Variants in UBE2D2 observed in about 807,000 individuals in gnomAD.
The protein encoded by UBE2D2 is ubiquitin-conjugating enzyme E2 D2.
UBE2D2 carries 2 observed loss-of-function variants against 24.2 expected under a neutral mutation model. That is an observed-to-expected ratio of 0.08 (90% CI 0.03 to 0.26). The LOEUF is 0.26. Among genes scored for constraint, UBE2D2 ranks in the 10% least tolerant of loss-of-function variants. The pLI is 1.00. For missense variants in UBE2D2, 44 were observed against 177.6 expected, an observed-to-expected ratio of 0.25 and a Z score of 4.28; for synonymous variants, 58 against 56.5, an observed-to-expected ratio of 1.03 and a Z score of -0.12.
chr5:139,535,460 A>G (rs1186049015), intron 1 of UBE2D2, among the ~76,000 whole-genome samples: 3 of 151,348 alleles, frequency 2.0e-5, no homozygotes, highest in African/African-American at 7.3e-5. Context: ...AAAAAAAAAC[A>G]AAAAACAAAA....
intron 2 of UBE2D2, among the ~76,000 whole-genome samples, chr5:139,603,411 C>A (rs1235189031): frequency 1.3e-5 from 2 of 151,868 alleles, no homozygotes; most frequent in African/African-American, 4.8e-5. Context: ...CTTTGGGAGG[C>A]CAGGAGTTCA....
Position 139,622,592 on chromosome 5 carries a change from A to G in UBE2D2, c.305-776A>G, listed in dbSNP as rs116035935. Among the ~76,000 whole-genome samples the G allele has an allele frequency of 7.9e-3, 1,189 of 150,918 alleles. 17 individuals carry two copies. Among genetic ancestry groups the G allele is most frequent in the Admixed American group, 0.012 (181 of 15,200 alleles). Reference sequence around the variant, plus strand: ...AACCTAAAGTCTGTTTAAGCTTCTTAAAATCCTTGTTGGTAGGCTGGGTGC... The same window carrying G: ...AACCTAAAGTCTGTTTAAGCTTCTTGAAATCCTTGTTGGTAGGCTGGGTGC... On this transcript the variant is annotated intron_variant, in intron 5 of 6. Coordinates refer to ENST00000398733, the MANE Select transcript of UBE2D2 (RefSeq NM_003339.3).
At position 139,551,721 on chromosome 5, in the gene UBE2D2, A is replaced by C. The variant is rs76533827; in HGVS notation, c.-64+25109A>C. Among the ~76,000 whole-genome samples, 1,176 of 152,332 alleles carry C rather than the reference A, an allele frequency of 7.7e-3. 8 individuals carry two copies. Among genetic ancestry groups the C allele is most frequent in the Middle Eastern group, 0.041 (12 of 294 alleles). ...TGAATGAGACAGTTGTCTAACAATC[A>C]CAATCAAGTGTGATCAATCTCTGGT... On this transcript the variant is annotated intron_variant, in intron 1 of 6. Coordinates refer to the UBE2D2 transcript ENST00000511725.
intron 1 of UBE2D2, among the ~76,000 whole-genome samples, chr5:139,544,933 C>T (rs1459264437): frequency 3.9e-5 from 6 of 152,090 alleles, no homozygotes; most frequent in Admixed American, 2.0e-4. Context: ...TGCATCACCA[C>T]GCCCGGCTAA....
chr5:139,527,480 A>C (rs949489425), intron 1 of UBE2D2, among the ~76,000 whole-genome samples: 1 of 151,808 alleles, frequency 6.6e-6, no homozygotes, highest in Admixed American at 6.5e-5. Flanking sequence ...AAGTTTGCTA[A>C]AAGTTAACAG....
At chr5:139,547,255 C>T (rs1752846567) in intron 1 of UBE2D2, among the ~76,000 whole-genome samples, 1 of 151,990 alleles carries the variant, frequency 6.6e-6, no homozygotes, top group Non-Finnish European at 1.5e-5. Context: ...CGCACCACTG[C>T]ACTCCAGCCT....
intron 1 of UBE2D2, among the ~76,000 whole-genome samples, chr5:139,552,303 C>G (rs926185819): frequency 3.3e-5 from 5 of 151,696 alleles, no homozygotes; most frequent in Non-Finnish European, 7.4e-5. Flanking sequence ...GCTGGGATTA[C>G]AGGTGTGCAC....
At chr5:139,543,454 G>A (rs183783457) in intron 1 of UBE2D2, among the ~76,000 whole-genome samples, 5 of 152,258 alleles carry the variant, frequency 3.3e-5, no homozygotes, top group African/African-American at 1.2e-4. Flanking sequence ...CTATACCCAC[G>A]TAGATCCTGG....
chr5:139,575,450 C>T (rs1480047921), intron 1 of UBE2D2, among the ~76,000 whole-genome samples: 1 of 152,008 alleles, frequency 6.6e-6, no homozygotes, highest in Non-Finnish European at 1.5e-5. Context: ...AAAGAAAAAC[C>T]TGAATGTGAA....
intron 1 of UBE2D2, among the ~76,000 whole-genome samples, chr5:139,594,185 G>A (rs1404873500): frequency 6.6e-6 from 1 of 152,042 alleles, no homozygotes; most frequent in East Asian, 1.9e-4. Flanking sequence ...GGGGAAGGAG[G>A]GTGGTTTAAA....
intron 2 of UBE2D2, among the ~76,000 whole-genome samples, chr5:139,604,107 C>T (rs1754142037): frequency 1.3e-5 from 2 of 151,228 alleles, no homozygotes; most frequent in African/African-American, 4.9e-5. Flanking sequence ...TCATATATCT[C>T]ATAAGGGACA....
chr5:139,535,971 C>A (rs1228605833), intron 1 of UBE2D2, among the ~76,000 whole-genome samples: 1 of 151,612 alleles, frequency 6.6e-6, no homozygotes, highest in African/African-American at 2.4e-5. Context: ...CGGCTCACTG[C>A]AACCTCTGCC....
intron 1 of UBE2D2, among the ~76,000 whole-genome samples, chr5:139,595,790 A>G (rs1178820791): frequency 1.3e-5 from 2 of 152,064 alleles, no homozygotes; most frequent in African/African-American, 4.8e-5. Flanking sequence ...CAAAATGTGT[A>G]AAAGCAATAT....
At chr5:139,615,490 A>T (rs1051542555) in intron 5 of UBE2D2, among the ~76,000 whole-genome samples, 22 of 152,182 alleles carry the variant, frequency 1.4e-4, no homozygotes, top group Non-Finnish European at 2.8e-4. Context: ...GTCTCAAAAA[A>T]AAAAAAGAAG....
chr5:139,533,324 A>G lies in UBE2D2; in HGVS notation c.-64+6712A>G, dbSNP rs1049258278. On this transcript the variant is annotated intron_variant, in intron 1 of 6. Coordinates refer to the UBE2D2 transcript ENST00000511725. The stretch of plus-strand genomic sequence containing the variant: ...ACCTAAAATGAATGAAATTGATGGC[A>G]TGTAAATTATACCTCAAAAAAGAGG... Among the ~76,000 whole-genome samples, 6 of 152,044 alleles carry G rather than the reference A, an allele frequency of 3.9e-5. No individual in the cohort carries two copies. The East Asian group carries it at 1.2e-3, about 30-fold the overall frequency.
intron 1 of UBE2D2, among the ~76,000 whole-genome samples, chr5:139,538,342 G>T (rs1752713188): frequency 6.6e-6 from 1 of 152,090 alleles, no homozygotes; most frequent in Non-Finnish European, 1.5e-5. Context: ...GTTCATAGCA[G>T]CATTACTCAC....
chr5:139,541,503 G>A (rs906396284), intron 1 of UBE2D2, among the ~76,000 whole-genome samples: 1 of 150,482 alleles, frequency 6.6e-6, no homozygotes, highest in African/African-American at 2.4e-5. Flanking sequence ...AGGAGGCTGA[G>A]GCAGGAGAAT....
chr5:139,561,721 C>T lies in UBE2D2; in HGVS notation c.-71C>T, dbSNP rs1017901091. ...GAGATCGCCGAGGCGGCCTCAGGCT[C>T]CCTAGCCCCTTCCCCGTCCCTTCCC... On this transcript the variant is annotated 5_prime_UTR_variant, in exon 1 of 7. Coordinates refer to ENST00000398733, the MANE Select transcript of UBE2D2 (RefSeq NM_003339.3). 7.2e-5 allele frequency: 91 copies of T among 1,271,428 alleles called. No individual in the cohort carries two copies. Among genetic ancestry groups the T allele is most frequent in the Non-Finnish European group, 9.4e-5 (89 of 946,584 alleles). The allele number at this position is 1,271,428 out of a possible 1,614,324, so 78.8% of individuals were successfully genotyped here.
intron 1 of UBE2D2, among the ~76,000 whole-genome samples, chr5:139,536,595 A>T (rs1223724611): frequency 6.6e-6 from 1 of 151,848 alleles, no homozygotes; most frequent in East Asian, 1.9e-4. Context: ...AGCTCAGGCA[A>T]TTCACCCCCC....
Sources: gnomAD v4.1 joint callset for allele counts (sites outside exome capture counted in the v4.1 genomes callset) on GRCh38, gnomAD v4.1.1 for gene constraint, MANE v1.5 for transcripts, NCBI Gene and HGNC (gene_info 2026-07-23, HGNC 2026-07-21) for gene names.